The following ZNF277 variants were observed in gnomAD, a reference collection of about 807,000 sequenced individuals.
The protein encoded by ZNF277 is nuclear receptor-interacting factor 4.
ZNF277 carries 55 observed loss-of-function variants against 60.7 expected under a neutral mutation model. That is an observed-to-expected ratio of 0.91 (90% CI 0.73 to 1.13). ZNF277 has a LOEUF of 1.13. Ranked by LOEUF, ZNF277 falls within the 50% of genes most tolerant of loss-of-function variation. The probability of loss-of-function intolerance (pLI) is 0.00; values close to 1 mark genes in which losing one functional copy is unlikely to be tolerated. For missense variants in ZNF277, 510 were observed against 523.0 expected (o/e 0.98, Z 0.24); for synonymous variants, 178 against 179.3 (o/e 0.99, Z 0.06).
chr7:112,329,885 T>C (rs1793183285), intron 6 of ZNF277, among the ~76,000 whole-genome samples, 199 bp from the exon 7 acceptor site: 1 of 152,204 alleles, frequency 6.6e-6, no homozygotes, highest in Admixed American at 6.5e-5. Context: ...TCAACTTAGC[T>C]GACTACAAAA....
At position 112,329,609 on chromosome 7, in the gene ZNF277, G is replaced by A. The variant is rs1793177715; in HGVS notation, c.669-475G>A. Among the ~76,000 whole-genome samples, 2 of 151,906 alleles carry A rather than the reference G, an allele frequency of 1.3e-5. 1 individual carries two copies. Among genetic ancestry groups the A allele is most frequent in the South Asian group, 4.2e-4 (2 of 4,818 alleles). ...TCTTCAGTTTAGAAATCAGAAAATGGCAACAGAGAAGGGAAGTAACTTAAA... is the reference window on the plus strand; with the variant it reads ...TCTTCAGTTTAGAAATCAGAAAATGACAACAGAGAAGGGAAGTAACTTAAA... On this transcript the variant is annotated intron_variant, in intron 6 of 11. Coordinates refer to ENST00000361822, the MANE Select transcript of ZNF277 (RefSeq NM_021994.3).
intron 8 of ZNF277, among the ~76,000 whole-genome samples, chr7:112,337,432 A>G (rs1369952958): frequency 6.6e-6 from 1 of 152,188 alleles, no homozygotes; most frequent in East Asian, 1.9e-4. Context: ...ATTAAACCTC[A>G]TTGTCTCAGG....
intron 1 of ZNF277, among the ~76,000 whole-genome samples, chr7:112,225,313 A>G (rs1822147857): frequency 6.6e-6 from 1 of 152,210 alleles, no homozygotes; most frequent in Non-Finnish European, 1.5e-5. Flanking sequence ...AGTTGCCCAT[A>G]TGGCCACTGA....
chr7:112,211,552 C>T (rs1233264782), intron 1 of ZNF277, among the ~76,000 whole-genome samples: 1 of 152,218 alleles, frequency 6.6e-6, no homozygotes, highest in East Asian at 1.9e-4. Flanking sequence ...GAATTCTAGC[C>T]TGAACGATTG....
intron 1 of ZNF277, among the ~76,000 whole-genome samples, chr7:112,238,118 A>G (rs1790848975): frequency 6.6e-6 from 1 of 152,238 alleles, no homozygotes; most frequent in South Asian, 2.1e-4. Context: ...AGCAAATCAC[A>G]GTACCTGGTT....
intron 1 of ZNF277, among the ~76,000 whole-genome samples, chr7:112,264,604 A>G (rs992189174): frequency 6.6e-6 from 1 of 151,572 alleles, no homozygotes; most frequent in Non-Finnish European, 1.5e-5. Context: ...TTAAATGGAG[A>G]AAAAAAAAGT....
chr7:112,317,410 G>A (rs1011617887), intron 4 of ZNF277, among the ~76,000 whole-genome samples: 1 of 152,272 alleles, frequency 6.6e-6, no homozygotes, highest in South Asian at 2.1e-4. Context: ...CAGAGCCTGA[G>A]CTCTTAACTG....
chr7:112,246,145 A>C (rs1791079466), intron 1 of ZNF277, among the ~76,000 whole-genome samples: 1 of 152,052 alleles, frequency 6.6e-6, no homozygotes, highest in African/African-American at 2.4e-5. Flanking sequence ...CTATTTTGGG[A>C]GGCTGAGGTG....
chr7:112,212,874 G>GCA (rs1486021431), intron 1 of ZNF277, among the ~76,000 whole-genome samples: 1 of 151,882 alleles, frequency 6.6e-6, no homozygotes, highest in East Asian at 1.9e-4. Context: ...CTCCCCACCC[G>GCA]CACACACACA....
chr7:112,251,960 C>G (rs183644004), intron 1 of ZNF277, among the ~76,000 whole-genome samples: 3 of 152,260 alleles, frequency 2.0e-5, no homozygotes, highest in African/African-American at 7.2e-5. Flanking sequence ...GATATGATAT[C>G]ATGCATTAGC....
At chr7:112,220,541 A>G (rs77514488) in intron 1 of ZNF277, among the ~76,000 whole-genome samples, 3,042 of 152,310 alleles carry the variant, frequency 0.02, 39 homozygotes, top group South Asian at 0.049. Flanking sequence ...CAGGGCTTCA[A>G]TACTGTGGTG....
chr7:112,314,877 A>C (rs1275607148), intron 4 of ZNF277, among the ~76,000 whole-genome samples: 3 of 152,176 alleles, frequency 2.0e-5, no homozygotes, highest in Non-Finnish European at 4.4e-5. Flanking sequence ...GATTTTATTC[A>C]GTAGAAAACA....
chr7:112,297,599 G>A (rs566177565), intron 4 of ZNF277, among the ~76,000 whole-genome samples: 1 of 152,288 alleles, frequency 6.6e-6, no homozygotes, highest in African/African-American at 2.4e-5. Context: ...TTATATCTAA[G>A]AAAAGTTTTC....
intron 5 of ZNF277, among the ~76,000 whole-genome samples, chr7:112,320,917 CTTTTTTTT>C (rs1230552751): frequency 1.0e-5 from 1 of 98,380 alleles, no homozygotes; most frequent in South Asian, 3.8e-4. Context: ...TTGTTTCTTT[CTTTTTTTT>C]TTTTTTTTTT....
intron 4 of ZNF277, among the ~76,000 whole-genome samples, chr7:112,306,524 G>GT (rs1431727407): frequency 1.3e-5 from 2 of 152,112 alleles, no homozygotes; most frequent in Non-Finnish European, 2.9e-5. Flanking sequence ...TGATGTTCAT[G>GT]TTTTTATCCC....
At chr7:112,234,227 A>G (rs1282073803) in intron 1 of ZNF277, among the ~76,000 whole-genome samples, 1 of 152,174 alleles carries the variant, frequency 6.6e-6, no homozygotes, top group African/African-American at 2.4e-5. Context: ...CCTTTTAAAT[A>G]TTGACAAATG....
Position 112,342,915 on chromosome 7 carries a change from C to A in ZNF277, c.*186C>A. On this transcript the variant is annotated 3_prime_UTR_variant, in exon 12 of 12. Coordinates refer to ENST00000361822, the MANE Select transcript of ZNF277 (RefSeq NM_021994.3). ...AGTAGAAAAATGCACTTACTAAGAACATGAAAAAAAATGAAGTAGGAAAAT... is the reference window on the plus strand; with the variant it reads ...AGTAGAAAAATGCACTTACTAAGAAAATGAAAAAAAATGAAGTAGGAAAAT... 2.4e-6 allele frequency: 1 copy of A among 408,632 alleles called. No homozygotes were observed. The highest frequency in any genetic ancestry group is 4.2e-6 in the Non-Finnish European group (1 of 238,506). The allele number at this position is 408,632 out of a possible 1,614,324, so 25.3% of individuals were successfully genotyped here.
At chr7:112,238,045 A>G (rs1285780985) in intron 1 of ZNF277, among the ~76,000 whole-genome samples, 1 of 152,204 alleles carries the variant, frequency 6.6e-6, no homozygotes, top group Non-Finnish European at 1.5e-5. Flanking sequence ...CCACCTATAC[A>G]AACACCAAAT....
intron 1 of ZNF277, among the ~76,000 whole-genome samples, chr7:112,227,742 A>G (rs1326959913): frequency 1.3e-5 from 2 of 152,076 alleles, no homozygotes; most frequent in African/African-American, 4.8e-5. Flanking sequence ...TCATACTTCA[A>G]ATCTTAACTT....
Sources: allele counts gnomAD v4.1 joint callset (sites outside exome capture counted in the v4.1 genomes callset), GRCh38; gene constraint gnomAD v4.1.1; transcripts MANE v1.5; gene names NCBI Gene and HGNC (gene_info 2026-07-23, HGNC 2026-07-21).